PCDH9: variants seen among roughly 807,000 people sequenced by gnomAD.
PCDH9 encodes protocadherin-9.
Under a neutral mutation model 70.6 loss-of-function variants are expected in PCDH9, and 24 were observed. The ratio of observed to expected loss-of-function variants is 0.34; its 90% CI spans 0.25 to 0.48. PCDH9 has a LOEUF of 0.48. Among genes scored for constraint, PCDH9 ranks in the 20% least tolerant of loss-of-function variants. PCDH9 has a pLI of 0.99. For synonymous variants in PCDH9, 562 were observed against 558.5 expected, an observed-to-expected ratio of 1.01 and a Z score of -0.09; for missense variants, 1,281 against 1,503.6, an observed-to-expected ratio of 0.85 and a Z score of 2.45.
intron 2 of PCDH9, among the ~76,000 whole-genome samples, chr13:67,147,540 G>A (rs562438564): frequency 6.6e-6 from 1 of 152,242 alleles, no homozygotes. Flanking sequence ...ACATTAAAGT[G>A]ACCTCTTTGA....
intron 2 of PCDH9, among the ~76,000 whole-genome samples, chr13:67,093,923 AG>A (rs1264919250): frequency 6.6e-6 from 1 of 152,180 alleles, no homozygotes; most frequent in Non-Finnish European, 1.5e-5. Flanking sequence ...ATAGTAGAAA[AG>A]GTACCAGATA....
chr13:66,868,902 A>T (rs1358019183), intron 3 of PCDH9, among the ~76,000 whole-genome samples: 1 of 152,158 alleles, frequency 6.6e-6, no homozygotes, highest in Non-Finnish European at 1.5e-5. Context: ...ATCTTTGAGT[A>T]ACTTACAGAC....
At chr13:66,661,053 T>C (rs1184917759) in intron 3 of PCDH9, among the ~76,000 whole-genome samples, 2 of 152,210 alleles carry the variant, frequency 1.3e-5, no homozygotes, top group Non-Finnish European at 2.9e-5. Flanking sequence ...ATTTGATATT[T>C]GGAAACAAAA....
At chr13:66,554,247 C>T (rs1022979829) in intron 4 of PCDH9, among the ~76,000 whole-genome samples, 1 of 152,028 alleles carries the variant, frequency 6.6e-6, no homozygotes, top group Admixed American at 6.6e-5. Context: ...GTTAAAAAGC[C>T]ACATACTTAT....
At chr13:67,041,107 G>A (rs1329233312) in intron 2 of PCDH9, among the ~76,000 whole-genome samples, 1 of 152,014 alleles carries the variant, frequency 6.6e-6, no homozygotes, top group East Asian at 1.9e-4. Flanking sequence ...GTAATAGAAT[G>A]TTGTTAAAAG....
At chr13:67,104,827 G>C (rs71427634) in intron 2 of PCDH9, among the ~76,000 whole-genome samples, 1 of 152,168 alleles carries the variant, frequency 6.6e-6, no homozygotes, top group African/African-American at 2.4e-5. Context: ...GGGATTACAG[G>C]CGCGAGCCAC....
Position 67,159,696 on chromosome 13 carries a change from G to GA in PCDH9, c.3036+65708dup, listed in dbSNP as rs368914630. ...CAGGTGGTGAATGCTTTTTTGGCCT[G>GA]AAAAATGGTAACACACTTTTTTAGA... On this transcript the variant is annotated intron_variant, in intron 2 of 4. Transcript: ENST00000377865. 3.1e-3 allele frequency among the ~76,000 whole-genome samples: 479 copies of GA among 152,166 alleles called. 2 individuals are homozygous for GA. The highest frequency in any genetic ancestry group is 0.011 in the African/African-American group (449 of 41,534).
chr13:66,529,444 A>G (rs1566394422), intron 4 of PCDH9, among the ~76,000 whole-genome samples: 1 of 152,070 alleles, frequency 6.6e-6, no homozygotes, highest in Non-Finnish European at 1.5e-5. Context: ...TACTATTTGT[A>G]TGAAGTCTTT....
chr13:66,393,434 G>T (rs1297869760), intron 4 of PCDH9, among the ~76,000 whole-genome samples: 1 of 152,160 alleles, frequency 6.6e-6, no homozygotes, highest in Non-Finnish European at 1.5e-5. Context: ...AGCTGGCACA[G>T]TGGTGGAGGT....
Position 67,188,498 on chromosome 13 carries a change from C to A in PCDH9, c.3036+36907G>T, listed in dbSNP as rs535544784. ...CCTCATGTAATCTTGTGTATTAACA[C>A]TAATTCTATTTTACTAATAGAAATT... On this transcript the variant is annotated intron_variant, in intron 2 of 4. Transcript: ENST00000377865. Among the ~76,000 whole-genome samples, 71 of 152,058 alleles carry A rather than the reference C, an allele frequency of 4.7e-4. No homozygotes were observed. The South Asian group carries it at 5.4e-3, about 12-fold the overall frequency.
Position 66,351,827 on chromosome 13 carries a change from T to A in PCDH9, c.3341-46799A>T, listed in dbSNP as rs748365971. ...AACTTCACCTTACACATTCCTTTTTTTTTTCTTTTCTTTTCTTTTCTTTTT... is the reference window on the plus strand; with the variant it reads ...AACTTCACCTTACACATTCCTTTTTATTTTCTTTTCTTTTCTTTTCTTTTT... On this transcript the variant is annotated intron_variant, in intron 4 of 4. Transcript: ENST00000377865. 1.4e-5 allele frequency among the ~76,000 whole-genome samples: 2 copies of A among 143,916 alleles called. 1 individual carries two copies. Among genetic ancestry groups the A allele is most frequent in the South Asian group, 4.7e-4 (2 of 4,258 alleles). The allele number at this position is 143,916 out of a possible 152,430, so 94.4% of individuals were successfully genotyped here.
chr13:66,969,672 T>G (rs1181867849), intron 2 of PCDH9, among the ~76,000 whole-genome samples: 1 of 152,058 alleles, frequency 6.6e-6, no homozygotes, highest in Non-Finnish European at 1.5e-5. Context: ...TTACCCAAAA[T>G]CTCAGAAACG....
intron 2 of PCDH9, chr13:67,206,460 T>C (rs1344948637): frequency 6.6e-6 from 1 of 152,134 alleles, no homozygotes; most frequent in Non-Finnish European, 1.5e-5. Context: ...GCCCGGCTGA[T>C]ACTGTTAAAG....
At chr13:67,100,619 C>A (rs1166843290) in intron 2 of PCDH9, among the ~76,000 whole-genome samples, 1 of 152,186 alleles carries the variant, frequency 6.6e-6, no homozygotes, top group Non-Finnish European at 1.5e-5. Context: ...TTCTATCATA[C>A]CTCAGCTTTA....
chr13:67,037,859 C>T (rs544738249), intron 2 of PCDH9, among the ~76,000 whole-genome samples: 87 of 152,052 alleles, frequency 5.7e-4, no homozygotes, highest in African/African-American at 2.0e-3. Context: ...TCAACTGGAC[C>T]GTATGGTAAA....
intron 3 of PCDH9, among the ~76,000 whole-genome samples, chr13:66,894,040 A>G (rs1660320085): frequency 6.6e-6 from 1 of 152,148 alleles, no homozygotes; most frequent in African/African-American, 2.4e-5. Context: ...TTCAATTTCA[A>G]ACTCGATGTC....
intron 3 of PCDH9, among the ~76,000 whole-genome samples, chr13:66,763,665 A>G (rs139541047): frequency 6.6e-6 from 1 of 152,272 alleles, no homozygotes; most frequent in East Asian, 1.9e-4. Context: ...AAAGCTGACT[A>G]CAGAGTAGAA....
Position 67,021,415 on chromosome 13 carries a change from T to C in PCDH9, c.3037-117810A>G, listed in dbSNP as rs191554932. Among the ~76,000 whole-genome samples the C allele has an allele frequency of 1.6e-4, 25 of 152,334 alleles. 1 individual carries two copies. The Middle Eastern group carries it at 0.02, about 124-fold the overall frequency. On this transcript the variant is annotated intron_variant, in intron 2 of 4. Coordinates refer to ENST00000377865, the MANE Select transcript of PCDH9 (RefSeq NM_203487.3). ...ATGAATACTTACATGACAAGTATTATAGCTTTATTTTATTCAAGTACTCAT... is the reference window on the plus strand; with the variant it reads ...ATGAATACTTACATGACAAGTATTACAGCTTTATTTTATTCAAGTACTCAT...
At chr13:67,219,447 G>C (rs906930492) in intron 2 of PCDH9, 7 of 152,002 alleles carry the variant, frequency 4.6e-5, no homozygotes, top group African/African-American at 1.7e-4. Flanking sequence ...ATCTCCTTAT[G>C]TACATGAGAG....
Sources: allele counts gnomAD v4.1 joint callset (sites outside exome capture counted in the v4.1 genomes callset), GRCh38; gene constraint gnomAD v4.1.1; transcripts MANE v1.5; gene names NCBI Gene and HGNC (gene_info 2026-07-23, HGNC 2026-07-21).